NCOA2: variants seen among roughly 807,000 people sequenced by gnomAD.
NCOA2 encodes the protein nuclear receptor coactivator 2, also known as class E basic helix-loop-helix protein 75.
NCOA2 carries 21 observed loss-of-function variants against 145.1 expected under a neutral mutation model. The ratio of observed to expected loss-of-function variants is 0.14; its 90% CI spans 0.10 to 0.21. The LOEUF is 0.21. NCOA2 is among the 10% of genes least tolerant of loss of function. The pLI, the probability that NCOA2 is intolerant of heterozygous loss-of-function variation, is 1.00. For missense variants in NCOA2, 1,472 were observed against 1,837.6 expected, an observed-to-expected ratio of 0.80 and a Z score of 3.64; for synonymous variants, 619 against 637.5, an observed-to-expected ratio of 0.97 and a Z score of 0.44.
In NCOA2 at chr8:70,110,634, T is replaced by C. The variant is rs1291773475; in HGVS notation, c.*2998A>G. On this transcript the variant is annotated 3_prime_UTR_variant, in exon 23 of 23. Coordinates refer to ENST00000452400, the MANE Select transcript of NCOA2 (RefSeq NM_006540.4). Reference sequence around the variant, plus strand: ...TGCAAGTGGATCTGTGCCACCCATTTCATGTGTTAAGCCCATATGAACTCC... The same window carrying C: ...TGCAAGTGGATCTGTGCCACCCATTCCATGTGTTAAGCCCATATGAACTCC... 2 of 211,372 alleles carry C rather than the reference T, an allele frequency of 9.5e-6. No homozygotes were observed. The highest frequency in any genetic ancestry group is 1.9e-5 in the Non-Finnish European group (2 of 104,258). The allele number at this position is 211,372 out of a possible 1,614,324, so 13.1% of individuals were successfully genotyped here.
In NCOA2 at chr8:70,144,009, A is replaced by C. The variant is rs1026733549; in HGVS notation, c.2812+633T>G. Among the ~76,000 whole-genome samples, 7 of 152,346 alleles carry C rather than the reference A, an allele frequency of 4.6e-5. No homozygotes were observed. In the East Asian group the frequency reaches 1.4e-3, roughly 29 times the overall value. ...GAACTGGATATAAGCTTGGGAATAT[A>C]ATGGCCACTGAGACAGTGACTACTA... On this transcript the variant is annotated intron_variant, in intron 13 of 22. Coordinates refer to ENST00000452400, the MANE Select transcript of NCOA2 (RefSeq NM_006540.4).
At position 70,232,870 on chromosome 8, in the gene NCOA2, TAC is replaced by T. The variant is rs71275059; in HGVS notation, c.-19-16108_-19-16107del. On this transcript the variant is annotated intron_variant, in intron 2 of 22. Coordinates refer to ENST00000452400, the MANE Select transcript of NCOA2 (RefSeq NM_006540.4). The stretch of plus-strand genomic sequence containing the variant: ...ACTGGGGACCATATGATTTAGAATT[TAC>T]ACACACACACACACACACACGTGCG... 4.7e-3 allele frequency among the ~76,000 whole-genome samples: 686 copies of T among 145,330 alleles called. 8 individuals are homozygous for T. Among genetic ancestry groups the T allele is most frequent in the African/African-American group, 0.017 (653 of 38,416 alleles).
intron 1 of NCOA2, among the ~76,000 whole-genome samples, chr8:70,397,540 G>A (rs867999799): frequency 5.7e-4 from 86 of 151,482 alleles, no homozygotes; most frequent in Admixed American, 1.9e-3. Flanking sequence ...GCACAAGGCT[G>A]CACTCAGGAG....
At position 70,238,316 on chromosome 8, in the gene NCOA2, T is replaced by C. The variant is rs191426902; in HGVS notation, c.-19-21552A>G. 1.5e-3 allele frequency among the ~76,000 whole-genome samples: 224 copies of C among 152,298 alleles called. 4 individuals are homozygous for C. The highest frequency in any genetic ancestry group is 5.2e-3 in the African/African-American group (218 of 41,560). ...ACAAAATAACAATATATTAGGTGCT[T>C]AGTAATTAGTATAGTGTTGAAGAAT... On this transcript the variant is annotated intron_variant, in intron 2 of 22. Transcript: ENST00000452400.
rs2131462559 is a variant in NCOA2, at chr8:70,126,800, C to G, written c.3916+13G>C. 6.2e-7 allele frequency: 1 copy of G among 1,609,130 alleles called. No individual in the cohort carries two copies. The highest frequency in any genetic ancestry group is 8.5e-7 in the Non-Finnish European group (1 of 1,175,888). ...AGGACTGGTGAAAGGTGGTGGGGAT[C>G]TAAGTCCAGTACCGTAGTTTGGAGG... On this transcript the variant is annotated intron_variant, in intron 19 of 22. Coordinates refer to ENST00000452400, the MANE Select transcript of NCOA2 (RefSeq NM_006540.4).
intron 4 of NCOA2, among the ~76,000 whole-genome samples, chr8:70,187,608 CAG>C (rs1254847929): frequency 6.6e-6 from 1 of 152,094 alleles, no homozygotes; most frequent in Non-Finnish European, 1.5e-5. Context: ...GAAAAACTCT[CAG>C]AAAATTAATT....
chr8:70,397,679 G>A (rs189309056), intron 1 of NCOA2, among the ~76,000 whole-genome samples: 1 of 151,968 alleles, frequency 6.6e-6, no homozygotes, highest in African/African-American at 2.4e-5. Context: ...ACACCACACA[G>A]GACTCAAGGA....
intron 1 of NCOA2, among the ~76,000 whole-genome samples, chr8:70,300,876 T>C (rs918957718): frequency 1.3e-5 from 2 of 152,190 alleles, no homozygotes; most frequent in Non-Finnish European, 1.5e-5. Context: ...TAGAGAACTT[T>C]TTGTGTGTTA....
intron 2 of NCOA2, among the ~76,000 whole-genome samples, chr8:70,229,075 A>G (rs571217460): frequency 6.6e-6 from 1 of 152,370 alleles, no homozygotes; most frequent in South Asian, 2.1e-4. Context: ...AATGTTATAT[A>G]TGGTTAAGTT....
the NCOA2 span, among the ~76,000 whole-genome samples, chr8:70,427,532 T>G: frequency 1.3e-5 from 2 of 151,514 alleles, no homozygotes; most frequent in Non-Finnish European, 2.9e-5. Flanking sequence ...ATTTAAATAT[T>G]TTAGTACCAA....
intron 4 of NCOA2, among the ~76,000 whole-genome samples, chr8:70,201,046 T>C (rs796289404): frequency 9.3e-5 from 7 of 75,572 alleles, no homozygotes; most frequent in African/African-American, 3.0e-4. Context: ...TGAGACTGTG[T>C]CTCAAAAAAA....
chr8:70,232,716 T>A (rs1586191592), intron 2 of NCOA2, among the ~76,000 whole-genome samples: 1 of 152,076 alleles, frequency 6.6e-6, no homozygotes, highest in African/African-American at 2.4e-5. Flanking sequence ...GTCATTTCCA[T>A]CCTTTAAAAT....
chr8:70,190,661 G>A (rs1360890661), intron 4 of NCOA2, among the ~76,000 whole-genome samples: 1 of 152,162 alleles, frequency 6.6e-6, no homozygotes, highest in Non-Finnish European at 1.5e-5. Context: ...AGACCAGCCT[G>A]GCCAACATGG....
chr8:70,152,716 A>G (rs1315833825), intron 11 of NCOA2, among the ~76,000 whole-genome samples: 1 of 152,220 alleles, frequency 6.6e-6, no homozygotes, highest in Non-Finnish European at 1.5e-5. Flanking sequence ...TGTAGAAACA[A>G]ATGTTTAACC....
At chr8:70,417,274 C>T in the NCOA2 span, among the ~76,000 whole-genome samples, 5 of 105,796 alleles carry the variant, frequency 4.7e-5, no homozygotes, top group Non-Finnish European at 8.9e-5. Context: ...AAAGGCCAGG[C>T]GCAGGGGCTC....
chr8:70,292,799 C>T (rs970607947), intron 2 of NCOA2, among the ~76,000 whole-genome samples: 3 of 152,274 alleles, frequency 2.0e-5, no homozygotes, highest in East Asian at 1.9e-4. Context: ...CTAAGCTAAC[C>T]GGTTCACACT....
At chr8:70,167,481 T>C (rs1204034137) in intron 6 of NCOA2, among the ~76,000 whole-genome samples, 1 of 152,200 alleles carries the variant, frequency 6.6e-6, no homozygotes, top group South Asian at 2.1e-4. Context: ...TCCTCTACAA[T>C]CAATACTTTA....
At chr8:70,305,144 C>T (rs1172371077) in intron 1 of NCOA2, among the ~76,000 whole-genome samples, 1 of 150,838 alleles carries the variant, frequency 6.6e-6, no homozygotes, top group Admixed American at 6.6e-5. Flanking sequence ...ACCTAGGCCT[C>T]CCAAAGTGCT....
chr8:70,234,863 C>T (rs899511011), intron 2 of NCOA2, among the ~76,000 whole-genome samples: 1 of 152,170 alleles, frequency 6.6e-6, no homozygotes, highest in Admixed American at 6.5e-5. Context: ...TATGGATCCT[C>T]CAGATTAAGA....
Sources: gnomAD v4.1 joint callset for allele counts (sites outside exome capture counted in the v4.1 genomes callset) on GRCh38, gnomAD v4.1.1 for gene constraint, MANE v1.5 for transcripts, NCBI Gene and HGNC (gene_info 2026-07-23, HGNC 2026-07-21) for gene names.